The following DIS3L2 variants were observed in gnomAD, a reference collection of about 807,000 sequenced individuals.
The protein encoded by DIS3L2 is DIS3-like exonuclease 2.
Under a neutral mutation model 97.5 loss-of-function variants are expected in DIS3L2, and 34 were observed. That is an observed-to-expected ratio of 0.35 (90% CI 0.27 to 0.46). DIS3L2 has a LOEUF of 0.46. DIS3L2 is among the 20% of genes least tolerant of loss of function. The pLI is 1.00. For synonymous variants in DIS3L2, 435 were observed against 445.2 expected (o/e 0.98, Z 0.29); for missense variants, 1,038 against 1,146.0 (o/e 0.91, Z 1.36).
At chr2:232,233,466 A>T (rs1478392532) in intron 10 of DIS3L2, among the ~76,000 whole-genome samples, 1 of 152,218 alleles carries the variant, frequency 6.6e-6, no homozygotes, top group African/African-American at 2.4e-5. Flanking sequence ...TCCTGATGCC[A>T]TCACATTGGG....
intron 5 of DIS3L2, among the ~76,000 whole-genome samples, chr2:232,032,145 A>C (rs954642120): frequency 7.2e-5 from 11 of 152,196 alleles, no homozygotes; most frequent in Non-Finnish European, 4.4e-5. Context: ...AAGCATTTCT[A>C]TTTCTCCATA....
At chr2:232,018,959 T>C (rs1460239786) in intron 3 of DIS3L2, among the ~76,000 whole-genome samples, 3 of 152,106 alleles carry the variant, frequency 2.0e-5, no homozygotes, top group East Asian at 3.9e-4. Flanking sequence ...GAGGTTGTTA[T>C]AGGAGATGTT....
At chr2:231,986,648 A>G (rs1693421647) in intron 1 of DIS3L2, among the ~76,000 whole-genome samples, 1 of 152,224 alleles carries the variant, frequency 6.6e-6, no homozygotes. Flanking sequence ...AGACAGCTCT[A>G]CAAAGAAGCT....
At position 231,983,586 on chromosome 2, in the gene DIS3L2, G is replaced by A. The variant is rs531210602; in HGVS notation, c.-94+21821G>A. Among the ~76,000 whole-genome samples the A allele has an allele frequency of 8.2e-4, 125 of 152,170 alleles. 2 individuals carry two copies. The highest frequency in any genetic ancestry group is 2.8e-3 in the African/African-American group (115 of 41,536). On this transcript the variant is annotated intron_variant, in intron 1 of 20. Transcript: ENST00000325385. ...GATGTAGGTTATGTGCTCTTTATCA[G>A]AATCTAATGCCTGATGATTGAGGGC...
At chr2:232,135,325 A>G (rs1698326227) in intron 7 of DIS3L2, among the ~76,000 whole-genome samples, 1 of 152,102 alleles carries the variant, frequency 6.6e-6, no homozygotes, top group Non-Finnish European at 1.5e-5. Flanking sequence ...AGGCTGGAAG[A>G]GTAAAGGTCT....
At chr2:232,300,230 A>C in intron 14 of DIS3L2, 111 bp downstream of exon 14, 6 of 921,822 alleles carry the variant, frequency 6.5e-6, no homozygotes, top group Non-Finnish European at 1.0e-5. Flanking sequence ...AAGGGAATAC[A>C]CCTTTTACTA....
chr2:232,225,630 G>A (rs1692624127), intron 10 of DIS3L2, among the ~76,000 whole-genome samples: 1 of 152,084 alleles, frequency 6.6e-6, no homozygotes, highest in Admixed American at 6.5e-5. Context: ...TCTATTTCGT[G>A]GAACTGGGTG....
In DIS3L2 at chr2:232,099,982, GTCTTA is replaced by G. The variant is rs1448843441; in HGVS notation, c.601+12268_601+12272del. Among the ~76,000 whole-genome samples the G allele has an allele frequency of 1.1e-4, 16 of 151,896 alleles. 1 individual carries two copies. The highest frequency in any genetic ancestry group is 2.4e-4 in the African/African-American group (10 of 41,424). ...CTTTGATAACTCTTGCTCATCAAGG[GTCTTA>G]TCTTATTAATCTTTTCAAAGAACAA... On this transcript the variant is annotated intron_variant, in intron 6 of 20. Transcript: ENST00000325385.
At position 232,300,071 on chromosome 2, in the gene DIS3L2, C is replaced by T; in HGVS notation, c.1691C>T (p.Thr564Ile). Residue 564 changes from threonine (T) to isoleucine (I), a missense_variant, in exon 14 of 21, where the codon ACC (threonine) becomes ATC (isoleucine). Coordinates refer to ENST00000325385, the MANE Select transcript of DIS3L2 (RefSeq NM_152383.5). Reference sequence around the variant, plus strand: ...CTTGCTTTCACTCTGGACCACGAGACCGGATTGCCTCAAGGATGTCATATC... The same window carrying T: ...CTTGCTTTCACTCTGGACCACGAGATCGGATTGCCTCAAGGATGTCATATC... ...LKLAFTLDHE[T>I]GLPQGCHIYE... 1.2e-6 allele frequency: 2 copies of T among 1,613,970 alleles called. No individual in the cohort carries two copies. The highest frequency in any genetic ancestry group is 1.7e-6 in the Non-Finnish European group (2 of 1,179,888).
intron 19 of DIS3L2, 31 bp from the exon 20 acceptor site, chr2:232,335,742 T>C (rs1695922220): frequency 1.2e-5 from 18 of 1,547,510 alleles, no homozygotes; most frequent in African/African-American, 1.4e-5. Flanking sequence ...CATCCAGAGC[T>C]GAGGCCTGAG....
At chr2:232,223,015 G>T (rs1273714868) in intron 10 of DIS3L2, among the ~76,000 whole-genome samples, 1 of 152,176 alleles carries the variant, frequency 6.6e-6, no homozygotes, top group Non-Finnish European at 1.5e-5. Context: ...CTTGATTTCT[G>T]TGGGGTCTGG....
intron 6 of DIS3L2, among the ~76,000 whole-genome samples, chr2:232,108,687 C>T (rs1437590360): frequency 6.6e-6 from 1 of 152,186 alleles, no homozygotes; most frequent in East Asian, 1.9e-4. Context: ...GCTTCTTAAG[C>T]TGATAAGCAA....
intron 3 of DIS3L2, 85 bp from the exon 4 acceptor site, chr2:232,024,192 A>C (rs952399615): frequency 2.0e-6 from 2 of 1,022,020 alleles, no homozygotes; most frequent in African/African-American, 1.6e-5. Context: ...GTTTAATTTT[A>C]AAACTTTTTA....
At chr2:231,964,144 T>C (rs1040822515) in intron 1 of DIS3L2, among the ~76,000 whole-genome samples, 2 of 152,192 alleles carry the variant, frequency 1.3e-5, no homozygotes. Flanking sequence ...CCCTTCTCCA[T>C]TTGTTTTTTG....
At chr2:232,265,066 C>T (rs13004748) in intron 13 of DIS3L2, among the ~76,000 whole-genome samples, 20,480 of 152,248 alleles carry the variant, frequency 0.13, 1,925 homozygotes, top group South Asian at 0.35. Context: ...TTTAAGAAAT[C>T]ATTCATGGGA....
chr2:232,216,561 A>G (rs1189653677), intron 10 of DIS3L2, among the ~76,000 whole-genome samples: 2 of 146,136 alleles, frequency 1.4e-5, no homozygotes, highest in African/African-American at 5.0e-5. Flanking sequence ...CTCTGATTCC[A>G]CCCCTCTCAC....
intron 9 of DIS3L2, among the ~76,000 whole-genome samples, chr2:232,207,091 T>C (rs1401087938): frequency 2.0e-5 from 3 of 152,228 alleles, no homozygotes; most frequent in Non-Finnish European, 4.4e-5. Flanking sequence ...CTTTTTGATT[T>C]TGACTAGGGG....
chr2:232,005,387 A>G (rs1694025307), intron 1 of DIS3L2, among the ~76,000 whole-genome samples: 1 of 152,100 alleles, frequency 6.6e-6, no homozygotes, highest in Admixed American at 6.6e-5. Flanking sequence ...AGTCATAAGA[A>G]TTAGGGGAGT....
intron 14 of DIS3L2, among the ~76,000 whole-genome samples, chr2:232,304,606 C>T (rs776154601): frequency 3.3e-5 from 5 of 152,340 alleles, no homozygotes; most frequent in East Asian, 1.9e-4. Context: ...TCCATCCCCA[C>T]GGCTACCCTC....
Sources: allele counts gnomAD v4.1 joint callset (sites outside exome capture counted in the v4.1 genomes callset), GRCh38; gene constraint gnomAD v4.1.1; transcripts MANE v1.5; gene names NCBI Gene and HGNC (gene_info 2026-07-23, HGNC 2026-07-21).